ASAP3: variants seen among roughly 807,000 people sequenced by gnomAD.
The protein encoded by ASAP3 is ArfGAP with SH3 domain, ankyrin repeat and PH domain 3.
Under a neutral mutation model 118.2 loss-of-function variants are expected in ASAP3, and 85 were observed. The observed-to-expected ratio is 0.72, with a 90% CI of 0.60 to 0.86. ASAP3 has a LOEUF of 0.86. ASAP3 is among the 40% of genes least tolerant of loss of function. The pLI, the probability that ASAP3 is intolerant of heterozygous loss-of-function variation, is 0.00. For missense variants in ASAP3, 1,026 were observed against 1,175.0 expected (o/e 0.87, Z 1.85); for synonymous variants, 432 against 477.4 (o/e 0.90, Z 1.24).
intron 1 of ASAP3, among the ~76,000 whole-genome samples, chr1:23,461,104 C>T (rs191257812): frequency 1.6e-3 from 242 of 152,242 alleles, no homozygotes; most frequent in African/African-American, 5.7e-3. Flanking sequence ...GGCAGGGAAA[C>T]ATTTCTGTAT....
chr1:23,477,800 A>G (rs1232169660), intron 1 of ASAP3, among the ~76,000 whole-genome samples: 1 of 152,110 alleles, frequency 6.6e-6, no homozygotes, highest in African/African-American at 2.4e-5. Context: ...TGCAGCCTCA[A>G]TCTCCTGGGC....
At chr1:23,435,108 G>A (rs1420298724) in intron 17 of ASAP3, among the ~76,000 whole-genome samples, 1 of 152,172 alleles carries the variant, frequency 6.6e-6, no homozygotes, top group Non-Finnish European at 1.5e-5. Flanking sequence ...GCTCTCTGTA[G>A]CCTCAACCTC....
chr1:23,483,259 T>C (rs1211493967), intron 1 of ASAP3, among the ~76,000 whole-genome samples: 1 of 152,214 alleles, frequency 6.6e-6, no homozygotes, highest in Non-Finnish European at 1.5e-5. Context: ...AAACACATTA[T>C]TCTCCGTTGG....
At chr1:23,444,862 G>C (rs554157468) in intron 5 of ASAP3, among the ~76,000 whole-genome samples, 11 of 151,612 alleles carry the variant, frequency 7.3e-5, no homozygotes, top group Non-Finnish European at 1.5e-4. Context: ...CTGGTGGTTT[G>C]TATGTTTAGC....
At position 23,440,964 on chromosome 1, in the gene ASAP3, C is replaced by T. The variant is rs182289226; in HGVS notation, c.944+138G>A. ...ACATGCCCAGGTGTCCTGGACAACC[C>T]AGGAATTGAGGATTTTACATTGCAA... On this transcript the variant is annotated intron_variant, in intron 10 of 24. Transcript: ENST00000336689. 190 of 758,190 alleles carry T rather than the reference C, an allele frequency of 2.5e-4. 1 individual carries two copies. The highest frequency in any genetic ancestry group is 4.1e-4 in the Admixed American group (16 of 38,688). 47.0% of individuals were successfully genotyped at this position (758,190 alleles called of 1,614,324 possible).
rs529041084 is a variant in ASAP3 at position 23,447,234 on chromosome 1, T to C, written c.473+4245A>G. On this transcript the variant is annotated intron_variant, in intron 5 of 24. Coordinates refer to ENST00000336689, the MANE Select transcript of ASAP3 (RefSeq NM_017707.4). ...CCTGCCATTAGTCATTCAGTAGCCT[T>C]CTTGGTTATCAGATTAGCTGTTTTA... Among the ~76,000 whole-genome samples the C allele has an allele frequency of 1.1e-4, 16 of 152,232 alleles. No individual in the cohort carries two copies. In the East Asian group the frequency reaches 2.1e-3, roughly 20 times the overall value.
Position 23,445,288 on chromosome 1 carries a change from G to A in ASAP3, c.474-2676C>T, listed in dbSNP as rs1014301682. Reference sequence around the variant, plus strand: ...GAGGATTGCTTGAGCCCAGAAGTTCGAAACCAGCTCGGGCATCATGGTGAA... The same window carrying A: ...GAGGATTGCTTGAGCCCAGAAGTTCAAAACCAGCTCGGGCATCATGGTGAA... On this transcript the variant is annotated intron_variant, in intron 5 of 24. Coordinates refer to ENST00000336689, the MANE Select transcript of ASAP3 (RefSeq NM_017707.4). Among the ~76,000 whole-genome samples, 5 of 152,234 alleles carry A rather than the reference G, an allele frequency of 3.3e-5. 1 individual carries two copies. Among genetic ancestry groups the A allele is most frequent in the Non-Finnish European group, 2.9e-5 (2 of 67,998 alleles).
chr1:23,473,258 T>A (rs1642017478), intron 1 of ASAP3, among the ~76,000 whole-genome samples: 1 of 152,240 alleles, frequency 6.6e-6, no homozygotes, highest in African/African-American at 2.4e-5. Context: ...TGGGAGATTC[T>A]GATTCAGTGG....
chr1:23,439,889 A>AT (rs756560657), intron 10 of ASAP3, among the ~76,000 whole-genome samples: 4 of 152,084 alleles, frequency 2.6e-5, no homozygotes, highest in Non-Finnish European at 5.9e-5. Flanking sequence ...ATCTCGGCTC[A>AT]TTGCAATCCC....
At chr1:23,455,075 G>A (rs745685908) in intron 3 of ASAP3, among the ~76,000 whole-genome samples, 2 of 152,218 alleles carry the variant, frequency 1.3e-5, no homozygotes, top group African/African-American at 2.4e-5. Context: ...GGCTTTCCTG[G>A]GAGGCAGTGT....
chr1:23,477,629 A>G (rs1642174746), intron 1 of ASAP3, among the ~76,000 whole-genome samples: 2 of 152,070 alleles, frequency 1.3e-5, no homozygotes, highest in South Asian at 4.1e-4. Flanking sequence ...CCCAGAACAA[A>G]CCTCAAAGAA....
intron 5 of ASAP3, among the ~76,000 whole-genome samples, chr1:23,447,095 G>A (rs564077690): frequency 1.9e-4 from 29 of 152,302 alleles, no homozygotes; most frequent in African/African-American, 6.7e-4. Context: ...AACTCAGGCG[G>A]TAATCTCGCT....
intron 5 of ASAP3, 119 bp downstream of exon 5, chr1:23,451,360 C>A: frequency 8.7e-7 from 1 of 1,142,864 alleles, no homozygotes; most frequent in South Asian, 1.3e-5. Context: ...CTGTAAATGC[C>A]TCTACAGAGC....
intron 1 of ASAP3, among the ~76,000 whole-genome samples, chr1:23,465,524 G>A (rs371198324): frequency 6.6e-6 from 1 of 151,382 alleles, no homozygotes; most frequent in East Asian, 1.9e-4. Flanking sequence ...TTGGGGGGGG[G>A]ATAGACTCTC....
chr1:23,475,315 CA>C (rs1311383241), intron 1 of ASAP3, among the ~76,000 whole-genome samples: 1 of 152,152 alleles, frequency 6.6e-6, no homozygotes, highest in East Asian at 1.9e-4. Context: ...AGTGTCCTGC[CA>C]AACTGGCTCG....
intron 1 of ASAP3, among the ~76,000 whole-genome samples, chr1:23,476,400 T>C (rs1341714602): frequency 1.3e-5 from 2 of 151,558 alleles, no homozygotes; most frequent in Non-Finnish European, 2.9e-5. Context: ...TCTTGAGCAC[T>C]GCCCACATGT....
chr1:23,438,925 A>C lies in ASAP3; in HGVS notation c.1015-91T>G. On this transcript the variant is annotated intron_variant, in intron 11 of 24. Coordinates refer to ENST00000336689, the MANE Select transcript of ASAP3 (RefSeq NM_017707.4). The surrounding 1 kb of genome is among the most constrained non-coding windows in gnomAD (Gnocchi z 4.9). ...ATTTCCCACTCTGTTAAATGGGCAT[A>C]ATCATCCTGTTCCATTTGTGTTTCT... The C allele has an allele frequency of 7.5e-7, 1 of 1,334,990 alleles. No homozygotes were observed. Among genetic ancestry groups the C allele is most frequent in the South Asian group, 1.2e-5 (1 of 83,456 alleles). 82.7% of individuals were successfully genotyped at this position (1,334,990 alleles called of 1,614,324 possible). A position where few individuals can be genotyped will look rare whatever the true frequency, so the allele number is the denominator to read the frequency against.
In ASAP3 at chr1:23,434,464, G is replaced by C; in HGVS notation, c.1835+69C>G. On this transcript the variant is annotated intron_variant, in intron 18 of 24. Coordinates refer to ENST00000336689, the MANE Select transcript of ASAP3 (RefSeq NM_017707.4). ...AAGTGGGAGGGGAAAGGAGGGAAGA[G>C]AATGGGAGAAGAGGAAGGAAAGGAG... 1.9e-6 allele frequency: 3 copies of C among 1,600,144 alleles called. No individual in the cohort carries two copies. The Admixed American group carries it at 5.0e-5, about 27-fold the overall frequency.
intron 5 of ASAP3, among the ~76,000 whole-genome samples, chr1:23,443,981 C>T (rs1306108431): frequency 6.6e-6 from 1 of 152,050 alleles, no homozygotes; most frequent in Admixed American, 6.6e-5. Context: ...CCTCAGCCTC[C>T]CAAAGTGCTG....
Sources: gnomAD v4.1 joint callset for allele counts (sites outside exome capture counted in the v4.1 genomes callset) on GRCh38, gnomAD v4.1.1 for gene constraint, Gnocchi (gnomAD v3.1) non-coding constraint, MANE v1.5 for transcripts, NCBI Gene and HGNC (gene_info 2026-07-23, HGNC 2026-07-21) for gene names.